The following FRG2C variants were observed in gnomAD, a reference collection of about 807,000 sequenced individuals.
FRG2C encodes protein FRG2-like-2.
In FRG2C, 8 loss-of-function variants were observed where a neutral mutation model predicts 14.1. That is an observed-to-expected ratio of 0.57 (90% CI 0.33 to 1.02). The LOEUF (loss-of-function observed/expected upper bound fraction) is 1.02. FRG2C is among the 50% of genes least tolerant of loss of function. The probability of loss-of-function intolerance (pLI) is 0.03; values close to 1 mark genes in which losing one functional copy is unlikely to be tolerated. For missense variants in FRG2C, 214 were observed against 334.2 expected, an observed-to-expected ratio of 0.64 and a Z score of 2.80; for synonymous variants, 92 against 127.4, an observed-to-expected ratio of 0.72 and a Z score of 1.87.
chr3:75,665,110 C>A lies in FRG2C; in HGVS notation c.257-16C>A. ...TCAGTTGGAGGCACTTTCTCAAACT[C>A]TCATTGTGTTCACAGAACCAGAGTC... On this transcript the variant is annotated splice_polypyrimidine_tract_variant and intron_variant, in intron 2 of 3. Coordinates refer to ENST00000308062, the MANE Select transcript of FRG2C (RefSeq NM_001124759.5). The A allele has an allele frequency of 7.5e-6, 12 of 1,610,452 alleles. No individual in the cohort carries two copies. The highest frequency in any genetic ancestry group is 1.0e-5 in the Non-Finnish European group (12 of 1,177,858).
At position 75,666,774 on chromosome 3, in the gene FRG2C, T is replaced by C. The variant is rs1937118074; in HGVS notation, c.*733T>C. The C allele has an allele frequency of 2.6e-5, 4 of 152,422 alleles. No homozygotes were observed. The highest frequency in any genetic ancestry group is 9.6e-5 in the African/African-American group (4 of 41,610). The allele number at this position is 152,422 out of a possible 1,614,324, so 9.4% of individuals were successfully genotyped here. ...ATTAATAGCACTCCCTGTGGGAAAATGTTTATACATTTTTACAGTTTGCAT... is the reference window on the plus strand; with the variant it reads ...ATTAATAGCACTCCCTGTGGGAAAACGTTTATACATTTTTACAGTTTGCAT... On this transcript the variant is annotated 3_prime_UTR_variant, in exon 4 of 4. Transcript: ENST00000308062.
rs1937099003 is a variant in FRG2C at position 75,666,206 on chromosome 3, G to A, written c.*165G>A. The A allele has an allele frequency of 1.4e-6, 2 of 1,455,928 alleles. No homozygotes were observed. The highest frequency in any genetic ancestry group is 1.8e-6 in the Non-Finnish European group (2 of 1,095,956). 90.2% of individuals were successfully genotyped at this position (1,455,928 alleles called of 1,614,324 possible). A position where few individuals can be genotyped will look rare whatever the true frequency, so the allele number is the denominator to read the frequency against. ...ACTTGAGCGGTATACTCAGAATGGT[G>A]AGCCCTGAATTTTGCAGACCGCTAA... is the stretch of plus-strand genomic sequence containing the variant. On this transcript the variant is annotated 3_prime_UTR_variant, in exon 4 of 4. Coordinates refer to ENST00000308062, the MANE Select transcript of FRG2C (RefSeq NM_001124759.5).
In FRG2C at chr3:75,665,698, C is replaced by G; in HGVS notation, c.506C>G (p.Thr169Arg). 6.2e-7 allele frequency: 1 copy of G among 1,614,080 alleles called. No homozygotes were observed. The highest frequency in any genetic ancestry group is 1.1e-5 in the South Asian group (1 of 91,080). ...RHRSRALEVQ[T>R]PSLRKSLVTS... Reference sequence around the variant, plus strand: ...AGGTCTCGGGCCCTAGAAGTCCAAACACCGTCACTTCGAAAAAGCTTGGTG... The same window carrying G: ...AGGTCTCGGGCCCTAGAAGTCCAAAGACCGTCACTTCGAAAAAGCTTGGTG... The change falls in exon 4 of 4, where the codon ACA (threonine) becomes AGA (arginine). Residue 169 changes from threonine (T) to arginine (R), a missense_variant. By Grantham distance (71) the Thr-to-Arg change is moderately conservative (BLOSUM62 -1). Coordinates refer to ENST00000308062, the MANE Select transcript of FRG2C (RefSeq NM_001124759.5).
chr3:75,665,883 C>G lies in FRG2C; in HGVS notation c.691C>G (p.Gln231Glu). The change falls in exon 4 of 4, where the codon CAG becomes GAG. Residue 231 changes from glutamine (Q) to glutamate (E), a missense_variant. Physicochemically the swap from Gln to Glu is conservative, Grantham distance 29. This residue lies in a region of FRG2C where 55 missense variants were observed against 118.9 expected (regional missense o/e 0.46). Coordinates refer to ENST00000308062, the MANE Select transcript of FRG2C (RefSeq NM_001124759.5). The part of the protein sequence containing the change: ...QVQTLYSMAT[Q>E]AAYVFPAESW... ...GCAGACCTTGTATTCCATGGCCACTCAGGCAGCTTATGTCTTCCCTGCTGA... is the reference window on the plus strand; with the variant it reads ...GCAGACCTTGTATTCCATGGCCACTGAGGCAGCTTATGTCTTCCCTGCTGA... 6.2e-7 allele frequency: 1 copy of G among 1,614,056 alleles called. No homozygotes were observed. The highest frequency in any genetic ancestry group is 8.5e-7 in the Non-Finnish European group (1 of 1,179,890).
In FRG2C at chr3:75,665,130, A is replaced by G; in HGVS notation, c.261A>G (p.Pro87=). ...AAACTCTCATTGTGTTCACAGAACC[A>G]GAGTCCAGCTCATATCAGGAAAACT... is the stretch of plus-strand genomic sequence containing the variant. ...KAGNSTAGSE[P]ESSSYQENCR... Residue 87 remains proline, a synonymous_variant, in exon 3 of 4, where the codon CCA becomes CCG. Transcript: ENST00000308062. 6.2e-7 allele frequency: 1 copy of G among 1,614,006 alleles called. No individual in the cohort carries two copies. The highest frequency in any genetic ancestry group is 1.1e-5 in the South Asian group (1 of 91,086).
rs1937108480 is a variant in FRG2C at position 75,666,514 on chromosome 3, G to C, written c.*473G>C. 4.3e-6 allele frequency: 1 copy of C among 235,004 alleles called. No individual in the cohort carries two copies. The highest frequency in any genetic ancestry group is 2.3e-5 in the African/African-American group (1 of 42,730). 14.6% of individuals were successfully genotyped at this position (235,004 alleles called of 1,614,324 possible). ...CATGCCTCAGCCTCCCAAGTAGCTG[G>C]GACTACAGGCATGTACCGCCATGCC... On this transcript the variant is annotated 3_prime_UTR_variant, in exon 4 of 4. Transcript: ENST00000308062.
chr3:75,666,037 C>T lies in FRG2C; in HGVS notation c.845C>T (p.Pro282Leu), dbSNP rs1937091372. 3.7e-6 allele frequency: 6 copies of T among 1,612,138 alleles called. No individual in the cohort carries two copies. In the South Asian group the frequency reaches 6.6e-5, roughly 18 times the overall value. ...SGSDEAKLGA[P>L] Reference sequence around the variant, plus strand: ...TCAGATGAGGCTAAGCTGGGAGCACCCTGACCCTATTCAGCAGAGATGCAG... The same window carrying T: ...TCAGATGAGGCTAAGCTGGGAGCACTCTGACCCTATTCAGCAGAGATGCAG... The change falls in exon 4 of 4, where the codon CCC becomes CTC. Residue 282 changes from proline (P) to leucine (L), a missense_variant. Transcript: ENST00000308062.
In FRG2C at chr3:75,664,540, A is replaced by G. The variant is rs1236580581; in HGVS notation, c.161A>G (p.Lys54Arg). ...ACCGCCTTCTCCCATTCCAGTGAGA[A>G]GCACACACAAAGGCAAGGTAAGGCC... ...GKTAFSHSSEKHTQRQAGSDP... is the reference protein window; with the variant it reads ...GKTAFSHSSERHTQRQAGSDP... Residue 54 changes from lysine (K) to arginine (R), a missense_variant, in exon 1 of 4, where the codon AAG (lysine) becomes AGG (arginine). By Grantham distance (26) the Lys-to-Arg change is conservative (BLOSUM62 2). Coordinates refer to ENST00000308062, the MANE Select transcript of FRG2C (RefSeq NM_001124759.5). The G allele has an allele frequency of 6.2e-6, 10 of 1,614,022 alleles. No individual in the cohort carries two copies. The Admixed American group carries it at 1.2e-4, about 19-fold the overall frequency.
chr3:75,665,779 C>A lies in FRG2C; in HGVS notation c.587C>A (p.Ala196Glu). 1 of 1,614,072 alleles carries A rather than the reference C, an allele frequency of 6.2e-7. No individual in the cohort carries two copies. Among genetic ancestry groups the A allele is most frequent in the Non-Finnish European group, 8.5e-7 (1 of 1,179,876 alleles). Residue 196 changes from alanine to glutamate, a missense_variant, in exon 4 of 4, where the codon GCA becomes GAA. This residue lies in a region of FRG2C where 55 missense variants were observed against 118.9 expected (regional missense o/e 0.46). Transcript: ENST00000308062. ...AVYQDLAQVW[A>E]QQIHSPLTCE... ...TATCAAGACCTAGCCCAGGTGTGGG[C>A]ACAGCAGATCCATTCTCCACTGACC...
rs1244632745 is a variant in FRG2C, at chr3:75,664,336, C to G, written c.-44C>G. 1 of 1,612,030 alleles carries G rather than the reference C, an allele frequency of 6.2e-7. No individual in the cohort carries two copies. The highest frequency in any genetic ancestry group is 8.5e-7 in the Non-Finnish European group (1 of 1,179,858). The stretch of plus-strand genomic sequence containing the variant: ...GTCTAGCAGACTAACCCACACTCTG[C>G]CTTTGGACATGTGAGAGAGCGCACC... On this transcript the variant is annotated 5_prime_UTR_variant, in exon 1 of 4. Transcript: ENST00000308062.
At position 75,666,282 on chromosome 3, in the gene FRG2C, T is replaced by C. The variant is rs1445695816; in HGVS notation, c.*241T>C. The C allele has an allele frequency of 6.5e-6, 5 of 770,752 alleles. No individual in the cohort carries two copies. Among genetic ancestry groups the C allele is most frequent in the Admixed American group, 3.0e-5 (1 of 33,758 alleles). The allele number at this position is 770,752 out of a possible 1,614,324, so 47.7% of individuals were successfully genotyped here. On this transcript the variant is annotated 3_prime_UTR_variant, in exon 4 of 4. Coordinates refer to ENST00000308062, the MANE Select transcript of FRG2C (RefSeq NM_001124759.5). ...TGTTAGACATTTGATACCTTTTGGA[T>C]GTCTGATGACAGTCGTGCATTTCTA...
At position 75,665,599 on chromosome 3, in the gene FRG2C, G is replaced by C. The variant is rs1937069078; in HGVS notation, c.407G>C (p.Ser136Thr). 6.2e-7 allele frequency: 1 copy of C among 1,613,968 alleles called. No homozygotes were observed. The highest frequency in any genetic ancestry group is 1.7e-5 in the Admixed American group (1 of 60,008). Residue 136 changes from serine (S) to threonine (T), a missense_variant, in exon 4 of 4, where the codon AGT (serine) becomes ACT (threonine). Coordinates refer to ENST00000308062, the MANE Select transcript of FRG2C (RefSeq NM_001124759.5). ...AGATCCTCCACTGCTGTGCACAACA[G>C]TGAAATCCAGGAGACCTGTGATGCC... ...KSRSSTAVHN[S>T]EIQETCDAHH...
intron 1 of FRG2C, 70 bp from the exon 2 acceptor site, chr3:75,664,749 A>G: frequency 6.2e-7 from 1 of 1,611,896 alleles, no homozygotes; most frequent in South Asian, 1.1e-5. Context: ...CTGATTCTCA[A>G]AAATGCATGA....
chr3:75,666,781 A>T lies in FRG2C; in HGVS notation c.*740A>T, dbSNP rs1937118318. 2 of 152,312 alleles carry T rather than the reference A, an allele frequency of 1.3e-5. No individual in the cohort carries two copies. Among genetic ancestry groups the T allele is most frequent in the Admixed American group, 1.3e-4 (2 of 15,294 alleles). The allele number at this position is 152,312 out of a possible 1,614,324, so 9.4% of individuals were successfully genotyped here. On this transcript the variant is annotated 3_prime_UTR_variant, in exon 4 of 4. Transcript: ENST00000308062. Reference sequence around the variant, plus strand: ...GCACTCCCTGTGGGAAAATGTTTATACATTTTTACAGTTTGCATAGTAAAA... The same window carrying T: ...GCACTCCCTGTGGGAAAATGTTTATTCATTTTTACAGTTTGCATAGTAAAA...
intron 3 of FRG2C, 43 bp from the exon 4 acceptor site, chr3:75,665,484 G>A: frequency 1.0e-5 from 16 of 1,589,612 alleles, no homozygotes; most frequent in Non-Finnish European, 1.2e-5. Context: ...ATGAGGGTCT[G>A]TGGGGACTGC....
rs1191916464 is a variant in FRG2C, at chr3:75,664,478, C to T, written c.99C>T (p.Gly33=). 1 of 1,612,766 alleles carries T rather than the reference C, an allele frequency of 6.2e-7. No individual in the cohort carries two copies. The highest frequency in any genetic ancestry group is 2.2e-5 in the East Asian group (1 of 44,908). ...PFQQISFTEK[G]SDEKKPFKGK... ...AACAGATCTCCTTTACAGAAAAGGGCTCAGATGAGAAGAAACCATTCAAAG... is the reference window on the plus strand; with the variant it reads ...AACAGATCTCCTTTACAGAAAAGGGTTCAGATGAGAAGAAACCATTCAAAG... Residue 33 remains glycine (G), a synonymous_variant, in exon 1 of 4, where the codon GGC becomes GGT. Coordinates refer to ENST00000308062, the MANE Select transcript of FRG2C (RefSeq NM_001124759.5).
In FRG2C at chr3:75,666,025, A is replaced by T; in HGVS notation, c.833A>T (p.Lys278Met). 1 of 1,612,144 alleles carries T rather than the reference A, an allele frequency of 6.2e-7. No homozygotes were observed. The highest frequency in any genetic ancestry group is 1.3e-5 in the African/African-American group (1 of 74,902). ...TEPVSGSDEA[K>M]LGAP ...CCTGTCAGTGGATCAGATGAGGCTA[A>T]GCTGGGAGCACCCTGACCCTATTCA... is the stretch of plus-strand genomic sequence containing the variant. The change falls in exon 4 of 4, where the codon AAG (lysine) becomes ATG (methionine). Residue 278 changes from lysine to methionine, a missense_variant. Lys to Met is a moderately conservative substitution (Grantham distance 95). Coordinates refer to ENST00000308062, the MANE Select transcript of FRG2C (RefSeq NM_001124759.5).
Position 75,665,558 on chromosome 3 carries a change from G to A in FRG2C, c.366G>A (p.Thr122=), listed in dbSNP as rs75314787. The part of the protein sequence containing the change: ...GNCPEEECNL[T]LNKKSRSSTA... Reference sequence around the variant, plus strand: ...GTCCAGAAGAGGAGTGCAACTTGACGTTGAATAAAAAATCAAGATCCTCCA... The same window carrying A: ...GTCCAGAAGAGGAGTGCAACTTGACATTGAATAAAAAATCAAGATCCTCCA... Residue 122 remains threonine (T), a synonymous_variant, in exon 4 of 4, where the codon ACG becomes ACA. Coordinates refer to ENST00000308062, the MANE Select transcript of FRG2C (RefSeq NM_001124759.5). 34 of 1,468,280 alleles carry A rather than the reference G, an allele frequency of 2.3e-5. No individual in the cohort carries two copies. Among genetic ancestry groups the A allele is most frequent in the East Asian group, 2.3e-4 (10 of 43,772 alleles). 91.0% of individuals were successfully genotyped at this position (1,468,280 alleles called of 1,614,324 possible).
At chr3:75,665,351 G>C in intron 3 of FRG2C, 148 bp downstream of exon 3, 1 of 1,427,340 alleles carries the variant, frequency 7.0e-7, no homozygotes. Flanking sequence ...TGAGATCCTA[G>C]CACTCTGAGA....
Sources: allele counts gnomAD v4.1 joint callset, GRCh38; gene constraint gnomAD v4.1.1; regional missense constraint gnomAD v4.1.1; transcripts MANE v1.5; gene names NCBI Gene and HGNC (gene_info 2026-07-23, HGNC 2026-07-21).